Variants in USP22 observed in about 807,000 individuals in gnomAD.
The protein encoded by USP22 is ubiquitin carboxyl-terminal hydrolase 22.
Under a neutral mutation model 68.1 loss-of-function variants are expected in USP22, and 22 were observed. That is an observed-to-expected ratio of 0.32 (90% CI 0.23 to 0.46). The LOEUF is 0.46. Among genes scored for constraint, USP22 ranks in the 20% least tolerant of loss-of-function variants. The pLI is 1.00. For synonymous variants in USP22, 279 were observed against 274.2 expected (o/e 1.02, Z -0.17); for missense variants, 433 against 695.8 (o/e 0.62, Z 4.25).
chr17:21,043,312 C>CA (rs1972475623), upstream of USP22: 4 of 81,006 alleles, frequency 4.9e-5, no homozygotes, highest in African/African-American at 2.0e-4. Context: ...CCCCCCCCCC[C>CA]CCCGGCACCT....
chr17:21,006,179 A>G (rs544967819), intron 10 of USP22, among the ~76,000 whole-genome samples: 1 of 152,316 alleles, frequency 6.6e-6, no homozygotes, highest in East Asian at 1.9e-4. Context: ...GAACCACAGG[A>G]AACTCCTATG....
intron 5 of USP22, among the ~76,000 whole-genome samples, chr17:21,017,483 C>T (rs1403823661): frequency 6.6e-6 from 1 of 152,236 alleles, no homozygotes; most frequent in Non-Finnish European, 1.5e-5. Context: ...GTGCAGCCCA[C>T]AGGAACAGCC....
At chr17:21,005,093 G>T in intron 10 of USP22, 103 bp from the exon 11 acceptor site, 1 of 1,318,010 alleles carries the variant, frequency 7.6e-7, no homozygotes, top group Non-Finnish European at 1.1e-6. Flanking sequence ...CCATGCAGAT[G>T]CTGCACCGAG....
intron 2 of USP22, among the ~76,000 whole-genome samples, chr17:21,026,039 A>G (rs1301460191): frequency 1.3e-5 from 2 of 152,276 alleles, no homozygotes; most frequent in Non-Finnish European, 2.9e-5. Context: ...GCAGGCGATC[A>G]CCAGAGGTCA....
intron 1 of USP22, among the ~76,000 whole-genome samples, chr17:21,032,188 C>T (rs560063983): frequency 2.0e-5 from 3 of 152,242 alleles, no homozygotes; most frequent in Non-Finnish European, 4.4e-5. Context: ...CTAGGAGCAA[C>T]AGGCTCCATC....
At chr17:21,006,785 GAGCCAC>G in intron 10 of USP22, 105 bp downstream of exon 10, 1 of 816,246 alleles carries the variant, frequency 1.2e-6, no homozygotes, top group Non-Finnish European at 1.8e-6. Flanking sequence ...TTACAGGCGG[GAGCCAC>G]TGCACCCGGC....
rs564176650 is a variant in USP22, at chr17:21,038,154, T to C, written c.171+4511A>G. Among the ~76,000 whole-genome samples the C allele has an allele frequency of 3.3e-5, 5 of 152,268 alleles. No homozygotes were observed. In the South Asian group the frequency reaches 1.0e-3, roughly 32 times the overall value. On this transcript the variant is annotated intron_variant, in intron 1 of 12. Transcript: ENST00000261497. Reference sequence around the variant, plus strand: ...AAAATAGCACATATCATCCCAGCACTGTGGGAGGCCGAAGTGAATCTCCTA... The same window carrying C: ...AAAATAGCACATATCATCCCAGCACCGTGGGAGGCCGAAGTGAATCTCCTA...
At chr17:21,015,093 G>A (rs1193164727) in intron 6 of USP22, among the ~76,000 whole-genome samples, 1 of 152,154 alleles carries the variant, frequency 6.6e-6, no homozygotes, top group African/African-American at 2.4e-5. Context: ...CCACCATGAG[G>A]AGTGGGGAGG....
rs147984059 is a variant in USP22 at position 21,039,834 on chromosome 17, G to A, written c.171+2831C>T. On this transcript the variant is annotated intron_variant, in intron 1 of 12. Transcript: ENST00000261497. ...CAAGTTGAAGTTTGTTTTGAGATAG[G>A]TTTTGTTGTCCAGGCTGGAGTACAG... Among the ~76,000 whole-genome samples the A allele has an allele frequency of 3.0e-4, 46 of 152,294 alleles. 1 individual carries two copies. In the East Asian group the frequency reaches 4.6e-3, roughly 15 times the overall value.
chr17:21,006,783 G>T, intron 10 of USP22, 113 bp downstream of exon 10: 2 of 778,836 alleles, frequency 2.6e-6, no homozygotes, highest in South Asian at 2.3e-5. Flanking sequence ...GATTACAGGC[G>T]GGAGCCACTG....
chr17:21,021,621 C>A (rs980544272), intron 2 of USP22, among the ~76,000 whole-genome samples: 2 of 152,210 alleles, frequency 1.3e-5, no homozygotes, highest in Non-Finnish European at 2.9e-5. Context: ...GAATTCCTGA[C>A]ACCATCACCA....
intron 1 of USP22, among the ~76,000 whole-genome samples, chr17:21,039,952 C>T (rs190018587): frequency 3.9e-5 from 6 of 152,258 alleles, no homozygotes; most frequent in African/African-American, 1.4e-4. Context: ...GGCCTGTAAT[C>T]CCAGCACTCT....
intron 2 of USP22, among the ~76,000 whole-genome samples, chr17:21,022,087 G>C (rs776401682): frequency 3.7e-4 from 57 of 152,052 alleles, no homozygotes; most frequent in Non-Finnish European, 6.6e-4. Context: ...GCAACAGAGT[G>C]AGACTCTGTC....
chr17:21,016,712 T>C (rs1972087620), intron 5 of USP22, among the ~76,000 whole-genome samples: 1 of 152,146 alleles, frequency 6.6e-6, no homozygotes, highest in Non-Finnish European at 1.5e-5. Context: ...ATCCGTATGA[T>C]GCGCTGGTAA....
At chr17:21,029,798 G>A (rs753807554) in intron 1 of USP22, among the ~76,000 whole-genome samples, 5 of 152,186 alleles carry the variant, frequency 3.3e-5, no homozygotes, top group South Asian at 2.1e-4. Context: ...AAAGGGTCAC[G>A]TATTCTATGA....
intron 8 of USP22, among the ~76,000 whole-genome samples, chr17:21,009,930 G>A (rs1019770369): frequency 2.0e-5 from 3 of 150,782 alleles, no homozygotes; most frequent in African/African-American, 4.9e-5. Flanking sequence ...ACTCCAGCCT[G>A]CACTCTAGAA....
chr17:21,005,627 G>T (rs1024493082), intron 10 of USP22, among the ~76,000 whole-genome samples: 1 of 152,210 alleles, frequency 6.6e-6, no homozygotes, highest in East Asian at 1.9e-4. Context: ...TCTGACTCTG[G>T]TCTTGTTTTA....
intron 9 of USP22, among the ~76,000 whole-genome samples, chr17:21,007,273 C>T (rs1913810049): frequency 6.6e-6 from 1 of 152,132 alleles, no homozygotes; most frequent in Non-Finnish European, 1.5e-5. Flanking sequence ...GAAAACAAAA[C>T]AAAGATCCGT....
intron 5 of USP22, 72 bp downstream of exon 5, chr17:21,017,870 C>T: frequency 1.3e-6 from 2 of 1,574,164 alleles, no homozygotes; most frequent in Non-Finnish European, 1.7e-6. Context: ...TCATGGTCCA[C>T]CTTAAATTTT....
Sources: gnomAD v4.1 joint callset for allele counts (sites outside exome capture counted in the v4.1 genomes callset) on GRCh38, gnomAD v4.1.1 for gene constraint, MANE v1.5 for transcripts, NCBI Gene and HGNC (gene_info 2026-07-23, HGNC 2026-07-21) for gene names.